CPE: variants seen among roughly 807,000 people sequenced by gnomAD.
CPE encodes the protein carboxypeptidase E.
CPE carries 17 observed loss-of-function variants against 53.5 expected under a neutral mutation model. That is an observed-to-expected ratio of 0.32 (90% CI 0.22 to 0.48). CPE has a LOEUF of 0.48. Among genes scored for constraint, CPE ranks in the 20% least tolerant of loss-of-function variants. The pLI is 0.99. For synonymous variants in CPE, 226 were observed against 228.8 expected, an observed-to-expected ratio of 0.99 and a Z score of 0.11; for missense variants, 524 against 614.7, an observed-to-expected ratio of 0.85 and a Z score of 1.56.
rs568021270 is a variant in CPE at position 165,443,768 on chromosome 4, T to G, written c.308-20622T>G. Among the ~76,000 whole-genome samples the G allele has an allele frequency of 8.5e-5, 13 of 152,332 alleles. 1 individual carries two copies. The East Asian group carries it at 2.5e-3, about 29-fold the overall frequency. ...GGATAAGGCTTTGCTATGGTCTGAATGTTTGTGTTCTCCCAAAAGTAATTT... is the reference window on the plus strand; with the variant it reads ...GGATAAGGCTTTGCTATGGTCTGAAGGTTTGTGTTCTCCCAAAAGTAATTT... On this transcript the variant is annotated intron_variant, in intron 1 of 8. Coordinates refer to ENST00000402744, the MANE Select transcript of CPE (RefSeq NM_001873.4).
At chr4:165,496,493 A>C (rs1200703208) in intron 8 of CPE, among the ~76,000 whole-genome samples, 1 of 152,216 alleles carries the variant, frequency 6.6e-6, no homozygotes, top group East Asian at 1.9e-4. Flanking sequence ...TAAAGGTTCA[A>C]CTATTTTGAT....
chr4:165,458,614 C>T (rs1021540262), intron 1 of CPE, among the ~76,000 whole-genome samples: 1 of 152,178 alleles, frequency 6.6e-6, no homozygotes, highest in Non-Finnish European at 1.5e-5. Context: ...AATGAATGCT[C>T]CACTTCTTAC....
At chr4:165,451,283 G>T (rs919625504) in intron 1 of CPE, among the ~76,000 whole-genome samples, 1 of 152,056 alleles carries the variant, frequency 6.6e-6, no homozygotes, top group Admixed American at 6.5e-5. Flanking sequence ...TCCCAGGGAC[G>T]CCTGATATTC....
intron 1 of CPE, among the ~76,000 whole-genome samples, chr4:165,437,431 C>T (rs1731524537): frequency 6.6e-6 from 1 of 152,150 alleles, no homozygotes; most frequent in African/African-American, 2.4e-5. Flanking sequence ...CCTGTATCTG[C>T]AACTGAGTTT....
chr4:165,389,653 T>C (rs1361074005), intron 1 of CPE, among the ~76,000 whole-genome samples: 1 of 152,210 alleles, frequency 6.6e-6, no homozygotes, highest in Non-Finnish European at 1.5e-5. Context: ...GCTAAAACTG[T>C]TAGAAGGTTG....
intron 1 of CPE, among the ~76,000 whole-genome samples, chr4:165,413,809 G>A (rs1236174075): frequency 1.3e-5 from 2 of 152,172 alleles, no homozygotes; most frequent in African/African-American, 4.8e-5. Flanking sequence ...TGGCATTGAC[G>A]TGCTTGGAGA....
intron 1 of CPE, among the ~76,000 whole-genome samples, chr4:165,415,740 A>G (rs1356840931): frequency 6.8e-6 from 1 of 147,344 alleles, no homozygotes. Flanking sequence ...TAGTACATAT[A>G]TAGTATATAC....
chr4:165,430,883 A>C (rs1200471300), intron 1 of CPE, among the ~76,000 whole-genome samples: 1 of 152,172 alleles, frequency 6.6e-6, no homozygotes, highest in East Asian at 1.9e-4. Context: ...GGGACTCTGG[A>C]CAAGGCCTCT....
intron 1 of CPE, chr4:165,404,468 C>A: frequency 1.2e-5 from 9 of 774,956 alleles, no homozygotes; most frequent in South Asian, 1.1e-4. Context: ...CCCAGACTGG[C>A]GACCTAGGAA....
At position 165,450,907 on chromosome 4, in the gene CPE, A is replaced by G. The variant is rs546378176; in HGVS notation, c.308-13483A>G. 3.9e-5 allele frequency among the ~76,000 whole-genome samples: 6 copies of G among 152,278 alleles called. No individual in the cohort carries two copies. The South Asian group carries it at 1.2e-3, about 32-fold the overall frequency. On this transcript the variant is annotated intron_variant, in intron 1 of 8. Transcript: ENST00000402744. ...AGTTTTTGTTGTTGTTGTTGTCTTT[A>G]ATTATTTTAAAAGTCAGTCTCATTT...
chr4:165,459,383 T>C (rs1319117941), intron 1 of CPE, among the ~76,000 whole-genome samples: 1 of 152,144 alleles, frequency 6.6e-6, no homozygotes, highest in Non-Finnish European at 1.5e-5. Flanking sequence ...AGATAGAAAC[T>C]GGGCCCAGCC....
intron 3 of CPE, among the ~76,000 whole-genome samples, chr4:165,478,668 AT>A (rs1462037625): frequency 1.3e-5 from 2 of 152,166 alleles, no homozygotes; most frequent in Non-Finnish European, 2.9e-5. Context: ...TTTCAAAATT[AT>A]TTTTTATGGC....
chr4:165,448,979 C>T (rs1372241002), intron 1 of CPE, among the ~76,000 whole-genome samples: 1 of 152,182 alleles, frequency 6.6e-6, no homozygotes, highest in African/African-American at 2.4e-5. Context: ...CCTAGGTTTT[C>T]TCATCTGTAA....
intron 1 of CPE, among the ~76,000 whole-genome samples, chr4:165,383,197 G>A (rs916484111): frequency 2.6e-5 from 4 of 152,154 alleles, no homozygotes; most frequent in Non-Finnish European, 5.9e-5. Flanking sequence ...GCTAGGGGCT[G>A]ATTCTAAGTG....
chr4:165,417,744 C>T (rs2126671741), intron 1 of CPE, among the ~76,000 whole-genome samples: 1 of 150,572 alleles, frequency 6.6e-6, no homozygotes, highest in African/African-American at 2.4e-5. Context: ...AGTTCAGTTC[C>T]TTTTATTACA....
At chr4:165,442,019 GTTTGTTTTTTTTTTTTGTTTTTTT>G (rs1165268934) in intron 1 of CPE, among the ~76,000 whole-genome samples, 4 of 94,230 alleles carry the variant, frequency 4.2e-5, no homozygotes, top group African/African-American at 1.4e-4. Context: ...AAGACGGTGA[GTTTGTTTTTTTTTTTTGTTTTTTT>G]TTTGTTTTTT....
At chr4:165,461,166 C>CAAAAAAAAAAAAAA (rs1173022270) in intron 1 of CPE, among the ~76,000 whole-genome samples, 51 of 44,186 alleles carry the variant, frequency 1.2e-3, no homozygotes, top group Middle Eastern at 0.012. Context: ...GCCTCTGCCT[C>CAAAAAAAAAAAAAA]AAAAAAAAAA....
chr4:165,487,317 C>G (rs1018664421), intron 5 of CPE, 121 bp from the exon 6 acceptor site: 56 of 1,349,818 alleles, frequency 4.1e-5, no homozygotes, highest in Non-Finnish European at 5.5e-5. Flanking sequence ...AGTTTTCCCA[C>G]AGGCTTCCCA....
At chr4:165,431,648 G>T (rs7700089) in intron 1 of CPE, among the ~76,000 whole-genome samples, 1,777 of 152,184 alleles carry the variant, frequency 0.012, 28 homozygotes, top group African/African-American at 0.039. Context: ...ACAGATTCTG[G>T]TTTTTTCTGT....
Sources: gnomAD v4.1 joint callset for allele counts (sites outside exome capture counted in the v4.1 genomes callset) on GRCh38, gnomAD v4.1.1 for gene constraint, MANE v1.5 for transcripts, NCBI Gene and HGNC (gene_info 2026-07-23, HGNC 2026-07-21) for gene names.